The following CYP51A1 variants were observed in gnomAD, a reference collection of about 807,000 sequenced individuals.
CYP51A1 encodes the protein lanosterol 14-alpha demethylase.
Under a neutral mutation model 53.5 loss-of-function variants are expected in CYP51A1, and 45 were observed. That is an observed-to-expected ratio of 0.84 (90% CI 0.66 to 1.08). CYP51A1 has a LOEUF of 1.08. Among genes scored for constraint, CYP51A1 ranks in the 50% least tolerant of loss-of-function variants. The pLI is 0.00. For missense variants in CYP51A1, 462 were observed against 621.7 expected (o/e 0.74, Z 2.73); for synonymous variants, 181 against 217.7 (o/e 0.83, Z 1.48).
chr7:92,132,977 T>C (rs1819954822), intron 1 of CYP51A1, among the ~76,000 whole-genome samples: 1 of 152,194 alleles, frequency 6.6e-6, no homozygotes, highest in African/African-American at 2.4e-5. Context: ...AGAACTATCT[T>C]TAAACACTAA....
chr7:92,129,869 G>T (rs564904898), intron 2 of CYP51A1, among the ~76,000 whole-genome samples: 22 of 152,292 alleles, frequency 1.4e-4, no homozygotes, highest in African/African-American at 4.8e-4. Flanking sequence ...AGAATGAGGA[G>T]CTGGTTTGGT....
At chr7:92,116,846 G>A (rs1319077581) in intron 9 of CYP51A1, among the ~76,000 whole-genome samples, 198 bp downstream of exon 9, 2 of 152,036 alleles carry the variant, frequency 1.3e-5, no homozygotes, top group Non-Finnish European at 2.9e-5. Flanking sequence ...CATTATATAA[G>A]GATTTATGGA....
Position 92,134,222 on chromosome 7 carries a change from T to A in CYP51A1, c.143A>T (p.Tyr48Phe). 6.2e-7 allele frequency: 1 copy of A among 1,613,144 alleles called. No homozygotes were observed. Among genetic ancestry groups the A allele is most frequent in the Non-Finnish European group, 8.5e-7 (1 of 1,179,740 alleles). Residue 48 changes from tyrosine to phenylalanine, a missense_variant, in exon 1 of 10, where the codon TAC (tyrosine) becomes TTC (phenylalanine). Transcript: ENST00000003100. ...GTGGCCGGCGGCCAGACGGATCAGG[T>A]AGACCAGGCTGAGGGTGAAGGCGCA... ...IACAFTLSLV[Y>F]LIRLAAGHLV... is the part of the protein sequence containing the mutation.
At chr7:92,128,719 C>T (rs1448369212) in intron 3 of CYP51A1, among the ~76,000 whole-genome samples, 161 bp downstream of exon 3, 2 of 152,090 alleles carry the variant, frequency 1.3e-5, no homozygotes, top group Admixed American at 1.3e-4. Flanking sequence ...GAACTCCTGA[C>T]TTTGAGTGAT....
In CYP51A1 at chr7:92,134,214, G is replaced by A. The variant is rs772128272; in HGVS notation, c.151C>T (p.Arg51Cys). ...TGGACCAGGTGGCCGGCGGCCAGAC[G>A]GATCAGGTAGACCAGGCTGAGGGTG... ...AFTLSLVYLI[R>C]LAAGHLVQLP... is the part of the protein sequence containing the mutation. The change falls in exon 1 of 10, where the codon CGT becomes TGT. Residue 51 changes from arginine (R) to cysteine (C), a missense_variant. Coordinates refer to ENST00000003100, the MANE Select transcript of CYP51A1 (RefSeq NM_000786.4). The A allele has an allele frequency of 6.2e-7, 1 of 1,613,058 alleles. No individual in the cohort carries two copies. Among genetic ancestry groups the A allele is most frequent in the Non-Finnish European group, 8.5e-7 (1 of 1,179,754 alleles).
chr7:92,130,174 G>C (rs76691354), intron 2 of CYP51A1, among the ~76,000 whole-genome samples: 1,597 of 152,298 alleles, frequency 0.01, 25 homozygotes, highest in African/African-American at 0.037. Context: ...GTAGAACGCA[G>C]TGAGCCAGAC....
In CYP51A1 at chr7:92,134,347, C is replaced by A; in HGVS notation, c.18G>T (p.Gly6=). Residue 6 remains glycine, a synonymous_variant, in exon 1 of 10, where the codon GGG becomes GGT. Coordinates refer to ENST00000003100, the MANE Select transcript of CYP51A1 (RefSeq NM_000786.4). MAAAA[G]MLLLGLLQAG... ...CCTGCAGCAAGCCCAGCAGCAGCAT[C>A]CCAGCCGCCGCCGCCATTCACTCCG... is the stretch of plus-strand genomic sequence containing the variant. The A allele has an allele frequency of 6.3e-7, 1 of 1,585,900 alleles. No homozygotes were observed. The highest frequency in any genetic ancestry group is 8.6e-7 in the Non-Finnish European group (1 of 1,162,870).
At chr7:92,114,063 T>C (rs530864131) in intron 9 of CYP51A1, among the ~76,000 whole-genome samples, 156 of 152,294 alleles carry the variant, frequency 1.0e-3, no homozygotes, top group African/African-American at 3.6e-3. Flanking sequence ...CACATAACTT[T>C]TCCAATTACT....
intron 2 of CYP51A1, 134 bp from the exon 3 acceptor site, chr7:92,129,190 T>C: frequency 1.9e-6 from 1 of 529,144 alleles, no homozygotes; most frequent in South Asian, 3.7e-5. Context: ...ATTCTTTTCA[T>C]CTTGCCATAC....
At chr7:92,134,566 T>A (rs1820006419), upstream of CYP51A1, 1 of 578,810 alleles carries the variant, frequency 1.7e-6, no homozygotes, top group South Asian at 2.2e-5. Flanking sequence ...GCCCCTTAAA[T>A]AACACTCTGT....
chr7:92,130,358 A>G (rs1415332517), intron 2 of CYP51A1, among the ~76,000 whole-genome samples: 1 of 152,186 alleles, frequency 6.6e-6, no homozygotes, highest in African/African-American at 2.4e-5. Flanking sequence ...AGAGAAGAGT[A>G]CCTTGGCTTA....
rs776271983 is a variant in CYP51A1, at chr7:92,127,585, G to A, written c.515C>T (p.Ala172Val). Residue 172 changes from alanine to valine, a missense_variant, in exon 4 of 10, where the codon GCC becomes GTC. Coordinates refer to ENST00000003100, the MANE Select transcript of CYP51A1 (RefSeq NM_000786.4). The stretch of plus-strand genomic sequence containing the variant: ...TATAGAAACATGCTGTTTAAAGTGG[G>A]CTATGTTAAGGCCACTTTTTAACAT... Reference protein sequence around the residue: ...KKMLKSGLNIAHFKQHVSIIE... With the variant: ...KKMLKSGLNIVHFKQHVSIIE... 7.4e-6 allele frequency: 12 copies of A among 1,612,540 alleles called. No individual in the cohort carries two copies. The East Asian group carries it at 1.1e-4, about 15-fold the overall frequency.
chr7:92,115,783 T>C (rs1819569403), intron 9 of CYP51A1, among the ~76,000 whole-genome samples: 2 of 152,004 alleles, frequency 1.3e-5, no homozygotes, highest in Admixed American at 1.3e-4. Context: ...AGAAACAGAT[T>C]TCAGCTTTAA....
intron 9 of CYP51A1, among the ~76,000 whole-genome samples, chr7:92,116,325 T>G (rs1456078769): frequency 1.3e-5 from 2 of 152,218 alleles, no homozygotes; most frequent in Non-Finnish European, 2.9e-5. Flanking sequence ...AGTATTAAAT[T>G]TATTACATAA....
Position 92,113,602 on chromosome 7 carries a change from TCTC to T in CYP51A1, c.*60_*62del. The stretch of plus-strand genomic sequence containing the variant: ...ACAAGAGTTGTTTTGTACACTTCAT[TCTC>T]TTCGAATGCCTTTGTGGCTTACAGT... On this transcript the variant is annotated 3_prime_UTR_variant, in exon 10 of 10. Transcript: ENST00000003100. 1 of 1,466,392 alleles carries T rather than the reference TCTC, an allele frequency of 6.8e-7. No homozygotes were observed. 90.8% of individuals were successfully genotyped at this position (1,466,392 alleles called of 1,614,324 possible).
intron 1 of CYP51A1, among the ~76,000 whole-genome samples, chr7:92,133,888 C>G (rs1465576385): frequency 6.6e-6 from 1 of 152,216 alleles, no homozygotes; most frequent in African/African-American, 2.4e-5. Flanking sequence ...GCCGCAACCA[C>G]GACCCCGTCT....
At chr7:92,132,874 A>G (rs1481115859) in intron 1 of CYP51A1, among the ~76,000 whole-genome samples, 3 of 152,190 alleles carry the variant, frequency 2.0e-5, no homozygotes, top group Non-Finnish European at 4.4e-5. Context: ...CCTGAAAATC[A>G]AACAAAATAA....
intron 7 of CYP51A1, among the ~76,000 whole-genome samples, chr7:92,121,866 A>T (rs2130947622): frequency 6.6e-6 from 1 of 152,352 alleles, no homozygotes. Context: ...TTTGGGAGTG[A>T]TGTAAATGTT....
intron 1 of CYP51A1, among the ~76,000 whole-genome samples, chr7:92,132,577 TTAC>T (rs746236460): frequency 3.9e-5 from 6 of 152,106 alleles, no homozygotes; most frequent in Admixed American, 6.6e-5. Context: ...TCTTCACTAC[TTAC>T]TACTACTACT....
Sources: allele counts gnomAD v4.1 joint callset (sites outside exome capture counted in the v4.1 genomes callset), GRCh38; gene constraint gnomAD v4.1.1; transcripts MANE v1.5; gene names NCBI Gene and HGNC (gene_info 2026-07-23, HGNC 2026-07-21).